The following LDLRAD3 variants were observed in gnomAD, a reference collection of about 807,000 sequenced individuals.
LDLRAD3 encodes low-density lipoprotein receptor class A domain-containing protein 3.
Under a neutral mutation model 29.4 loss-of-function variants are expected in LDLRAD3, and 20 were observed. The observed-to-expected ratio is 0.68, with a 90% CI of 0.48 to 0.99. The LOEUF (loss-of-function observed/expected upper bound fraction) is 0.99, where lower values mean the gene tolerates loss of function less well. Ranked by LOEUF, LDLRAD3 falls within the 50% of genes least tolerant of loss-of-function variation. The pLI is 0.00. For synonymous variants in LDLRAD3, 157 were observed against 192.7 expected (o/e 0.81, Z 1.53); for missense variants, 420 against 454.3 (o/e 0.92, Z 0.69).
At chr11:36,005,511 A>G (rs2133181936) in intron 1 of LDLRAD3, among the ~76,000 whole-genome samples, 1 of 152,350 alleles carries the variant, frequency 6.6e-6, no homozygotes, top group Non-Finnish European at 1.5e-5. Context: ...TTTGGTCAAG[A>G]ACATTCAACA....
chr11:36,175,640 T>C (rs1363133673), intron 4 of LDLRAD3, among the ~76,000 whole-genome samples: 1 of 152,236 alleles, frequency 6.6e-6, no homozygotes, highest in African/African-American at 2.4e-5. Flanking sequence ...TTGGAGTCAA[T>C]TTCCAATTTT....
At chr11:36,044,419 T>C (rs1852421481) in intron 2 of LDLRAD3, among the ~76,000 whole-genome samples, 1 of 152,188 alleles carries the variant, frequency 6.6e-6, no homozygotes, top group Non-Finnish European at 1.5e-5. Context: ...ATTCAGTGAA[T>C]GCTAGCTGAC....
At chr11:36,193,004 A>G (rs190662794) in intron 4 of LDLRAD3, among the ~76,000 whole-genome samples, 109 of 152,292 alleles carry the variant, frequency 7.2e-4, no homozygotes, top group Non-Finnish European at 1.4e-3. Flanking sequence ...AATGGGAATA[A>G]TAGTAGTGTC....
At chr11:36,186,687 C>T (rs186151246) in intron 4 of LDLRAD3, among the ~76,000 whole-genome samples, 5 of 152,256 alleles carry the variant, frequency 3.3e-5, no homozygotes, top group Admixed American at 6.5e-5. Flanking sequence ...ATTAGTGAGA[C>T]GGATGGGGTA....
intron 4 of LDLRAD3, among the ~76,000 whole-genome samples, chr11:36,145,291 C>T (rs1383103515): frequency 1.0e-5 from 1 of 99,198 alleles, no homozygotes; most frequent in African/African-American, 4.7e-5. Context: ...GCTGCCCCAT[C>T]CGGGAGGTGA....
chr11:36,176,912 A>G (rs1854687151), intron 4 of LDLRAD3, among the ~76,000 whole-genome samples: 1 of 152,160 alleles, frequency 6.6e-6, no homozygotes, highest in Non-Finnish European at 1.5e-5. Flanking sequence ...TACGTTTTCC[A>G]AAATTCTGGA....
Position 36,080,462 on chromosome 11 carries a change from G to C in LDLRAD3, c.194-1191G>C, listed in dbSNP as rs148491184. Among the ~76,000 whole-genome samples, 350 of 152,348 alleles carry C rather than the reference G, an allele frequency of 2.3e-3. 1 individual carries two copies. The highest frequency in any genetic ancestry group is 6.8e-3 in the Middle Eastern group (2 of 294). ...AAAGTGACAGCCTCTGGCAGAGAGAGAGGCAATGCTGTTGAGTTGGTTGAA... is the reference window on the plus strand; with the variant it reads ...AAAGTGACAGCCTCTGGCAGAGAGACAGGCAATGCTGTTGAGTTGGTTGAA... On this transcript the variant is annotated intron_variant, in intron 2 of 5. Coordinates refer to ENST00000315571, the MANE Select transcript of LDLRAD3 (RefSeq NM_174902.4).
chr11:36,081,912 T>C, intron 3 of LDLRAD3, 134 bp downstream of exon 3: 1 of 1,062,670 alleles, frequency 9.4e-7, no homozygotes. Flanking sequence ...CCAGATTCTG[T>C]TCTTCCCTAC....
intron 3 of LDLRAD3, among the ~76,000 whole-genome samples, chr11:36,090,205 G>A (rs1211015463): frequency 6.6e-6 from 1 of 152,114 alleles, no homozygotes; most frequent in Admixed American, 6.5e-5. Context: ...AAGAAGTTGA[G>A]AATATAAAAG....
At chr11:36,009,179 T>C (rs1175212751) in intron 1 of LDLRAD3, among the ~76,000 whole-genome samples, 1 of 152,254 alleles carries the variant, frequency 6.6e-6, no homozygotes, top group African/African-American at 2.4e-5. Flanking sequence ...CTCATATCTG[T>C]GGCTACTTCT....
chr11:35,984,516 C>T (rs540798930), intron 1 of LDLRAD3, among the ~76,000 whole-genome samples: 169 of 152,258 alleles, frequency 1.1e-3, no homozygotes, highest in African/African-American at 3.8e-3. Context: ...TCATCTGTAC[C>T]GCTTTGGTTA....
At chr11:36,146,546 C>T (rs1443440134) in intron 4 of LDLRAD3, among the ~76,000 whole-genome samples, 3 of 152,154 alleles carry the variant, frequency 2.0e-5, no homozygotes, top group Admixed American at 2.0e-4. Context: ...TATTCTCGTA[C>T]AGTTCAGAAG....
At chr11:36,115,880 G>T (rs1441285918) in intron 4 of LDLRAD3, among the ~76,000 whole-genome samples, 1 of 152,114 alleles carries the variant, frequency 6.6e-6, no homozygotes, top group East Asian at 1.9e-4. Flanking sequence ...TCTGCTTTGG[G>T]TATAAATCTC....
At chr11:36,089,775 CTT>C (rs113433655) in intron 3 of LDLRAD3, among the ~76,000 whole-genome samples, 31 of 138,104 alleles carry the variant, frequency 2.2e-4, no homozygotes, top group South Asian at 2.4e-4. Flanking sequence ...AATTTTTAAA[CTT>C]TTTTTTTTTT....
chr11:36,063,217 T>G (rs1402210294), intron 2 of LDLRAD3, among the ~76,000 whole-genome samples: 45 of 152,152 alleles, frequency 3.0e-4, no homozygotes, highest in Admixed American at 2.9e-3. Context: ...ATTGGCTAAT[T>G]AGGACTTTCC....
intron 4 of LDLRAD3, among the ~76,000 whole-genome samples, chr11:36,188,445 G>A (rs1390040158): frequency 2.0e-5 from 3 of 147,514 alleles, no homozygotes; most frequent in Non-Finnish European, 4.5e-5. Flanking sequence ...CTGGATTAGT[G>A]AACTCAGAAA....
Position 35,944,784 on chromosome 11 carries a change from C to A in LDLRAD3, c.46+640C>A, listed in dbSNP as rs531352377. The stretch of plus-strand genomic sequence containing the variant: ...GCTTTATTTAAGACGTCTGACCACC[C>A]TACTTGCCCCGCGATGGGCGCCCTG... On this transcript the variant is annotated intron_variant, in intron 1 of 5. Coordinates refer to ENST00000315571, the MANE Select transcript of LDLRAD3 (RefSeq NM_174902.4). The surrounding 1 kb of genome is among the most constrained non-coding windows in gnomAD (Gnocchi z 4.9). 2.0e-5 allele frequency among the ~76,000 whole-genome samples: 3 copies of A among 152,324 alleles called. No homozygotes were observed. In the East Asian group the frequency reaches 5.8e-4, roughly 29 times the overall value.
intron 2 of LDLRAD3, among the ~76,000 whole-genome samples, chr11:36,040,972 C>T (rs1252812975): frequency 6.6e-6 from 1 of 151,812 alleles, no homozygotes; most frequent in Non-Finnish European, 1.5e-5. Flanking sequence ...TGTGAGATAC[C>T]TATTGATGGA....
At chr11:36,123,752 G>A (rs1226943082) in intron 4 of LDLRAD3, among the ~76,000 whole-genome samples, 2 of 152,236 alleles carry the variant, frequency 1.3e-5, no homozygotes, top group Non-Finnish European at 2.9e-5. Context: ...AGTCCAGCCA[G>A]GCTGTGGCAC....
Sources: gnomAD v4.1 joint callset for allele counts (sites outside exome capture counted in the v4.1 genomes callset) on GRCh38, gnomAD v4.1.1 for gene constraint, Gnocchi (gnomAD v3.1) non-coding constraint, MANE v1.5 for transcripts, NCBI Gene and HGNC (gene_info 2026-07-23, HGNC 2026-07-21) for gene names.